The following HS3ST3A1 variants were observed in gnomAD, a reference collection of about 807,000 sequenced individuals.
The protein encoded by HS3ST3A1 is heparan sulfate-glucosamine 3-sulfotransferase 3A1.
In HS3ST3A1, 19 loss-of-function variants were observed where a neutral mutation model predicts 25.7. The observed-to-expected ratio is 0.74, with a 90% CI of 0.52 to 1.08. The LOEUF (loss-of-function observed/expected upper bound fraction) is 1.08. Among genes scored for constraint, HS3ST3A1 ranks in the 50% least tolerant of loss-of-function variants. The pLI, the probability that HS3ST3A1 is intolerant of heterozygous loss-of-function variation, is 0.00. For missense variants in HS3ST3A1, 459 were observed against 594.3 expected, an observed-to-expected ratio of 0.77 and a Z score of 2.37; for synonymous variants, 226 against 278.6, an observed-to-expected ratio of 0.81 and a Z score of 1.88.
intron 1 of HS3ST3A1, among the ~76,000 whole-genome samples, chr17:13,534,190 G>A (rs1906698393): frequency 6.6e-6 from 1 of 152,040 alleles, no homozygotes; most frequent in African/African-American, 2.4e-5. Flanking sequence ...TTCTATAAAT[G>A]GCGTTAATGT....
At chr17:13,541,038 T>TA (rs1216077318) in intron 1 of HS3ST3A1, among the ~76,000 whole-genome samples, 1 of 152,176 alleles carries the variant, frequency 6.6e-6, no homozygotes, top group Non-Finnish European at 1.5e-5. Context: ...ACTGATGCTG[T>TA]AAAAAATTGT....
intron 1 of HS3ST3A1, among the ~76,000 whole-genome samples, chr17:13,539,724 G>A (rs562110126): frequency 1.2e-4 from 16 of 131,548 alleles, no homozygotes; most frequent in South Asian, 4.8e-4. Context: ...CGAAAGAGAC[G>A]TTAGCTTCCA....
Position 13,529,661 on chromosome 17 carries a change from A to G in HS3ST3A1, c.600-32843T>C, listed in dbSNP as rs146124369. Among the ~76,000 whole-genome samples, 40 of 152,302 alleles carry G rather than the reference A, an allele frequency of 2.6e-4. No individual in the cohort carries two copies. The East Asian group carries it at 7.1e-3, about 27-fold the overall frequency. On this transcript the variant is annotated intron_variant, in intron 1 of 1. Transcript: ENST00000284110. ...TGTTTGTTGAATTCATTTCCTATTC[A>G]TATTTGATCACAAAATCCTCCTACC...
chr17:13,521,749 A>G (rs1191536784), intron 1 of HS3ST3A1, among the ~76,000 whole-genome samples: 2 of 152,214 alleles, frequency 1.3e-5, no homozygotes, highest in Non-Finnish European at 2.9e-5. Context: ...TCATATTGTT[A>G]CAGGCAATGT....
intron 1 of HS3ST3A1, among the ~76,000 whole-genome samples, chr17:13,551,918 T>G (rs1461831006): frequency 6.6e-6 from 1 of 152,152 alleles, no homozygotes; most frequent in African/African-American, 2.4e-5. Context: ...GTCTACTCTA[T>G]CTAACTAAGC....
chr17:13,501,290 T>C (rs1245787609), intron 1 of HS3ST3A1, among the ~76,000 whole-genome samples: 1 of 150,974 alleles, frequency 6.6e-6, no homozygotes, highest in Admixed American at 6.6e-5. Context: ...TGGAGATTAA[T>C]CACATAACAA....
chr17:13,505,572 G>T (rs1905635719), intron 1 of HS3ST3A1, among the ~76,000 whole-genome samples: 1 of 151,542 alleles, frequency 6.6e-6, no homozygotes, highest in Admixed American at 6.6e-5. Flanking sequence ...GGTGGGTGAG[G>T]ACAAAAGGAA....
At chr17:13,512,181 C>A (rs957168058) in intron 1 of HS3ST3A1, among the ~76,000 whole-genome samples, 2 of 151,870 alleles carry the variant, frequency 1.3e-5, no homozygotes, top group Non-Finnish European at 2.9e-5. Flanking sequence ...CGCCTGTAGT[C>A]CCAGCTACTG....
chr17:13,536,499 A>T (rs1387924855), intron 1 of HS3ST3A1, among the ~76,000 whole-genome samples: 1 of 152,198 alleles, frequency 6.6e-6, no homozygotes, highest in African/African-American at 2.4e-5. Flanking sequence ...GCACTGTCAC[A>T]TGGTTCCAAA....
At chr17:13,538,643 G>T (rs927737612) in intron 1 of HS3ST3A1, among the ~76,000 whole-genome samples, 1 of 152,084 alleles carries the variant, frequency 6.6e-6, no homozygotes, top group African/African-American at 2.4e-5. Context: ...ACTCAGGCAA[G>T]ATCCCCCAAC....
chr17:13,496,131 CTT>C lies in HS3ST3A1; in HGVS notation c.*64_*65del. ...TTTCAGCACAAATATTAAACTGTCT[CTT>C]CTCTACCGATTGGTAAAAAAATATA... On this transcript the variant is annotated 3_prime_UTR_variant, in exon 2 of 2. Coordinates refer to ENST00000284110, the MANE Select transcript of HS3ST3A1 (RefSeq NM_006042.3). The C allele has an allele frequency of 2.1e-6, 3 of 1,423,768 alleles. No individual in the cohort carries two copies. The highest frequency in any genetic ancestry group is 2.8e-6 in the Non-Finnish European group (3 of 1,078,864). 88.2% of individuals were successfully genotyped at this position (1,423,768 alleles called of 1,614,324 possible). A position where few individuals can be genotyped will look rare whatever the true frequency, so the allele number is the denominator to read the frequency against.
intron 1 of HS3ST3A1, among the ~76,000 whole-genome samples, chr17:13,581,149 GC>G (rs557172873): frequency 1.3e-5 from 2 of 151,978 alleles, no homozygotes; most frequent in Non-Finnish European, 2.9e-5. Flanking sequence ...TTCAATACAA[GC>G]ATTACAGCAG....
chr17:13,532,631 C>T (rs370596168), intron 1 of HS3ST3A1, among the ~76,000 whole-genome samples: 13 of 152,018 alleles, frequency 8.6e-5, no homozygotes, highest in South Asian at 4.2e-4. Context: ...TAGGAGTTTA[C>T]GAGAGAGTCG....
intron 1 of HS3ST3A1, among the ~76,000 whole-genome samples, chr17:13,549,072 C>T (rs1432481070): frequency 6.6e-6 from 1 of 152,234 alleles, no homozygotes; most frequent in Non-Finnish European, 1.5e-5. Context: ...CTTGCTGTTG[C>T]TCACGCTTTG....
intron 1 of HS3ST3A1, among the ~76,000 whole-genome samples, chr17:13,585,854 TTTTTTTTTTTTTTC>T (rs1908247941): frequency 1.4e-5 from 2 of 139,652 alleles, no homozygotes; most frequent in Admixed American, 1.4e-4. Context: ...TTTTTTTTTT[TTTTTTTTTTTTTTC>T]TGACAGAGTC....
chr17:13,581,374 T>G (rs1280961592), intron 1 of HS3ST3A1, among the ~76,000 whole-genome samples: 1 of 149,600 alleles, frequency 6.7e-6, no homozygotes, highest in Non-Finnish European at 1.5e-5. Context: ...GGCTGAGGCA[T>G]GAGAATCACT....
chr17:13,529,772 T>A (rs62059582), intron 1 of HS3ST3A1, among the ~76,000 whole-genome samples: 30,017 of 152,098 alleles, frequency 0.2, 3,024 homozygotes, highest in East Asian at 0.33. Context: ...AAGCATTTCC[T>A]ATCAAAACTT....
intron 1 of HS3ST3A1, among the ~76,000 whole-genome samples, chr17:13,517,648 TTTA>T (rs1176389475): frequency 1.3e-5 from 2 of 152,064 alleles, no homozygotes; most frequent in Admixed American, 6.5e-5. Flanking sequence ...GTAAATTTAT[TTTA>T]TTATTATTAT....
intron 1 of HS3ST3A1, among the ~76,000 whole-genome samples, chr17:13,508,424 G>A (rs560589259): frequency 5.9e-5 from 9 of 152,298 alleles, no homozygotes; most frequent in Admixed American, 3.3e-4. Flanking sequence ...GAAGACAAGG[G>A]GCGAGAGTGT....
Sources: gnomAD v4.1 joint callset for allele counts (sites outside exome capture counted in the v4.1 genomes callset) on GRCh38, gnomAD v4.1.1 for gene constraint, MANE v1.5 for transcripts, NCBI Gene and HGNC (gene_info 2026-07-23, HGNC 2026-07-21) for gene names.